The following TNFRSF1B variants were observed in gnomAD, a reference collection of about 807,000 sequenced individuals.
TNFRSF1B encodes TNF receptor superfamily member 1B, also known as tumor necrosis factor receptor superfamily member 1B.
Under a neutral mutation model 44.6 loss-of-function variants are expected in TNFRSF1B, and 19 were observed. The observed-to-expected ratio is 0.43, with a 90% CI of 0.30 to 0.62. TNFRSF1B has a LOEUF of 0.62. Among genes scored for constraint, TNFRSF1B ranks in the 20% least tolerant of loss-of-function variants. The probability of loss-of-function intolerance (pLI) is 0.16; values close to 1 mark genes in which losing one functional copy is unlikely to be tolerated. For synonymous variants in TNFRSF1B, 252 were observed against 261.1 expected, an observed-to-expected ratio of 0.97 and a Z score of 0.34; for missense variants, 541 against 619.9, an observed-to-expected ratio of 0.87 and a Z score of 1.35.
At chr1:12,188,678 C>T (rs1313817591) in intron 1 of TNFRSF1B, 118 bp from the exon 2 acceptor site, 1 of 913,890 alleles carries the variant, frequency 1.1e-6, no homozygotes, top group Non-Finnish European at 1.7e-6. Context: ...CCCCAGCCAT[C>T]ATCAGTGCAG....
At chr1:12,185,398 G>A (rs1036978749) in intron 1 of TNFRSF1B, among the ~76,000 whole-genome samples, 2 of 152,120 alleles carry the variant, frequency 1.3e-5, no homozygotes, top group African/African-American at 2.4e-5. Flanking sequence ...TTGGCTTCAT[G>A]ACAGGCACCC....
At chr1:12,175,968 A>C (rs1638646007) in intron 1 of TNFRSF1B, among the ~76,000 whole-genome samples, 2 of 151,712 alleles carry the variant, frequency 1.3e-5, no homozygotes, top group South Asian at 4.2e-4. Context: ...TAATCCCAGC[A>C]CTTTGGGAGG....
Position 12,191,627 on chromosome 1 carries a change from C to CT in TNFRSF1B, c.308-146dup, listed in dbSNP as rs1010790210. 8 of 933,080 alleles carry CT rather than the reference C, an allele frequency of 8.6e-6. No homozygotes were observed. The African/African-American group carries it at 1.3e-4, about 15-fold the overall frequency. 57.8% of individuals were successfully genotyped at this position (933,080 alleles called of 1,614,324 possible). ...CAGGACTGCCGGTCCTGCCCCTGGA[C>CT]TCTGGCCGGTGTTGTGTGTGCCCCA... On this transcript the variant is annotated intron_variant, in intron 3 of 9. Coordinates refer to ENST00000376259, the MANE Select transcript of TNFRSF1B (RefSeq NM_001066.3).
intron 8 of TNFRSF1B, among the ~76,000 whole-genome samples, chr1:12,196,007 A>C (rs72864906): frequency 6.6e-6 from 1 of 152,280 alleles, no homozygotes; most frequent in African/African-American, 2.4e-5. Context: ...AAATATTTTT[A>C]AAAAGGATCT....
rs1638692917 is a variant in TNFRSF1B, at chr1:12,177,716, C to A, written c.78+10547C>A. On this transcript the variant is annotated intron_variant, in intron 1 of 9. Coordinates refer to ENST00000376259, the MANE Select transcript of TNFRSF1B (RefSeq NM_001066.3). This position sits in a 1 kb window ranked among gnomAD's most constrained non-coding sequence, Gnocchi z 4.3. ...GACTGAGGCAGGAGAATCGCTTGAACCTGGGAGGCGGAGTTTGCAGTGAAC... is the reference window on the plus strand; with the variant it reads ...GACTGAGGCAGGAGAATCGCTTGAAACTGGGAGGCGGAGTTTGCAGTGAAC... 6.6e-6 allele frequency among the ~76,000 whole-genome samples: 1 copy of A among 151,768 alleles called. No individual in the cohort carries two copies. The highest frequency in any genetic ancestry group is 6.6e-5 in the Admixed American group (1 of 15,226).
intron 6 of TNFRSF1B, 194 bp downstream of exon 6, chr1:12,193,292 G>A (rs2101110812): frequency 1.4e-6 from 1 of 701,058 alleles, no homozygotes. Flanking sequence ...AAGTGCGTGG[G>A]CTGGATGCAG....
rs1638693249 is a variant in TNFRSF1B at position 12,177,728 on chromosome 1, A to G, written c.78+10559A>G. 6.7e-6 allele frequency among the ~76,000 whole-genome samples: 1 copy of G among 150,024 alleles called. No homozygotes were observed. On this transcript the variant is annotated intron_variant, in intron 1 of 9. Transcript: ENST00000376259. This position sits in a 1 kb window ranked among gnomAD's most constrained non-coding sequence, Gnocchi z 4.3. ...AGAATCGCTTGAACCTGGGAGGCGG[A>G]GTTTGCAGTGAACCGAGATCGCGCC...
At chr1:12,170,574 G>C (rs559011) in intron 1 of TNFRSF1B, among the ~76,000 whole-genome samples, 7,998 of 152,276 alleles carry the variant, frequency 0.053, 698 homozygotes, top group African/African-American at 0.18. Context: ...ATGTTTTCTG[G>C]AGGAGTAGCA....
rs549345717 is a variant in TNFRSF1B, at chr1:12,201,858, C to T, written c.901-109C>T. Reference sequence around the variant, plus strand: ...AGGGTGGGCAGAAACGTCACGTAAACTGAGAAGTGCTGATGGCAGGAGGTG... The same window carrying T: ...AGGGTGGGCAGAAACGTCACGTAAATTGAGAAGTGCTGATGGCAGGAGGTG... On this transcript the variant is annotated intron_variant, in intron 8 of 9. Coordinates refer to ENST00000376259, the MANE Select transcript of TNFRSF1B (RefSeq NM_001066.3). The T allele has an allele frequency of 2.8e-6, 4 of 1,415,696 alleles. No individual in the cohort carries two copies. The African/African-American group carries it at 5.8e-5, about 20-fold the overall frequency. 87.7% of individuals were successfully genotyped at this position (1,415,696 alleles called of 1,614,324 possible). A position where few individuals can be genotyped will look rare whatever the true frequency, so the allele number is the denominator to read the frequency against.
At chr1:12,191,225 C>A (rs1639114906) in intron 3 of TNFRSF1B, 140 bp downstream of exon 3, 2 of 1,173,018 alleles carry the variant, frequency 1.7e-6, no homozygotes, top group African/African-American at 3.1e-5. Flanking sequence ...GCTGTTTACC[C>A]CTACCACTGG....
rs1208234586 is a variant in TNFRSF1B, at chr1:12,199,241, G to T, written c.901-2726G>T. On this transcript the variant is annotated intron_variant, in intron 8 of 9. Coordinates refer to ENST00000376259, the MANE Select transcript of TNFRSF1B (RefSeq NM_001066.3). This position sits in a 1 kb window ranked among gnomAD's most constrained non-coding sequence, Gnocchi z 4.0. ...GTGGGGTTGTGAGGAGTGACAATTGGCTGCTTCTCCTCCCCTTCCAGGCTC... is the reference window on the plus strand; with the variant it reads ...GTGGGGTTGTGAGGAGTGACAATTGTCTGCTTCTCCTCCCCTTCCAGGCTC... Among the ~76,000 whole-genome samples, 1 of 152,236 alleles carries T rather than the reference G, an allele frequency of 6.6e-6. No individual in the cohort carries two copies. Among genetic ancestry groups the T allele is most frequent in the Non-Finnish European group, 1.5e-5 (1 of 68,036 alleles).
chr1:12,173,490 C>T (rs189866125), intron 1 of TNFRSF1B, among the ~76,000 whole-genome samples: 6 of 152,208 alleles, frequency 3.9e-5, no homozygotes, highest in Admixed American at 2.6e-4. Context: ...TTAGGCAGAA[C>T]TGGGGTTTGT....
At chr1:12,167,247 G>C (rs960360883) in intron 1 of TNFRSF1B, 78 bp downstream of exon 1, 4 of 1,096,424 alleles carry the variant, frequency 3.6e-6, no homozygotes, top group Non-Finnish European at 4.6e-6. Flanking sequence ...CGGGTGCCCG[G>C]GCCGCGCTCT....
Position 12,168,497 on chromosome 1 carries a change from C to T in TNFRSF1B, c.78+1328C>T, listed in dbSNP as rs865914923. 2.0e-5 allele frequency among the ~76,000 whole-genome samples: 3 copies of T among 152,078 alleles called. No individual in the cohort carries two copies. The highest frequency in any genetic ancestry group is 4.4e-5 in the Non-Finnish European group (3 of 67,998). On this transcript the variant is annotated intron_variant, in intron 1 of 9. Transcript: ENST00000376259. The surrounding 1 kb of genome is among the most constrained non-coding windows in gnomAD (Gnocchi z 4.7). ...AGTGTGAATGGGGACGACCGTGGTC[C>T]CCAGCTTGACTTTGGGGTCATGCCA...
At position 12,191,074 on chromosome 1, in the gene TNFRSF1B, G is replaced by C. The variant is rs769092299; in HGVS notation, c.296G>C (p.Arg99Pro). 6.2e-7 allele frequency: 1 copy of C among 1,613,916 alleles called. No homozygotes were observed. The highest frequency in any genetic ancestry group is 8.5e-7 in the Non-Finnish European group (1 of 1,179,948). ...CCCGAGTGCTTGAGCTGTGGCTCCC[G>C]CTGTAGCTCTGGTGAGTAGGTTCAG... is the stretch of plus-strand genomic sequence containing the variant. ...WVPECLSCGSRCSSDQVETQA... is the reference protein window; with the variant it reads ...WVPECLSCGSPCSSDQVETQA... Residue 99 changes from arginine to proline, a missense_variant, in exon 3 of 10, where the codon CGC (arginine) becomes CCC (proline). Arg to Pro is a moderately radical substitution (Grantham distance 103). Coordinates refer to ENST00000376259, the MANE Select transcript of TNFRSF1B (RefSeq NM_001066.3).
chr1:12,194,448 C>T (rs561371911), intron 7 of TNFRSF1B, 136 bp from the exon 8 acceptor site: 5 of 860,734 alleles, frequency 5.8e-6, no homozygotes, highest in Middle Eastern at 2.3e-4. Flanking sequence ...CTTCTGTGGA[C>T]CTTGTCTGGT....
Position 12,169,437 on chromosome 1 carries a change from C to T in TNFRSF1B, c.78+2268C>T, listed in dbSNP as rs1010981428. On this transcript the variant is annotated intron_variant, in intron 1 of 9. Transcript: ENST00000376259. This position sits in a 1 kb window ranked among gnomAD's most constrained non-coding sequence, Gnocchi z 4.5. ...GTCTTTAGAGATGTGGAAACTGAGG[C>T]GTTTCCCAGGATCACAGAGCTGGGG... Among the ~76,000 whole-genome samples the T allele has an allele frequency of 2.0e-5, 3 of 152,242 alleles. No homozygotes were observed. The highest frequency in any genetic ancestry group is 2.9e-5 in the Non-Finnish European group (2 of 68,016).
At chr1:12,175,446 A>G (rs1162607257) in intron 1 of TNFRSF1B, among the ~76,000 whole-genome samples, 3 of 151,684 alleles carry the variant, frequency 2.0e-5, no homozygotes, top group Non-Finnish European at 4.4e-5. Context: ...TTGATTGTGA[A>G]CTCCTGGGGA....
chr1:12,203,246 A>G (rs761194074), intron 9 of TNFRSF1B, among the ~76,000 whole-genome samples: 16 of 152,182 alleles, frequency 1.1e-4, no homozygotes, highest in Non-Finnish European at 1.6e-4. Context: ...TTTTTCACCT[A>G]GAGGTGAGCT....
Sources: allele counts gnomAD v4.1 joint callset (sites outside exome capture counted in the v4.1 genomes callset), GRCh38; gene constraint gnomAD v4.1.1; non-coding constraint Gnocchi (gnomAD v3.1); transcripts MANE v1.5; gene names NCBI Gene and HGNC (gene_info 2026-07-23, HGNC 2026-07-21).